The following DCDC2 variants were observed in gnomAD, a reference collection of about 807,000 sequenced individuals.
The protein encoded by DCDC2 is doublecortin domain containing 2.
In DCDC2, 40 loss-of-function variants were observed where a neutral mutation model predicts 50.2. The observed-to-expected ratio is 0.80, with a 90% CI of 0.62 to 1.04. DCDC2 has a LOEUF of 1.04. Ranked by LOEUF, DCDC2 falls within the 50% of genes least tolerant of loss-of-function variation. The pLI, the probability that DCDC2 is intolerant of heterozygous loss-of-function variation, is 0.00. For missense variants in DCDC2, 570 were observed against 581.9 expected, an observed-to-expected ratio of 0.98 and a Z score of 0.21; for synonymous variants, 234 against 210.6, an observed-to-expected ratio of 1.11 and a Z score of -0.96.
chr6:24,235,180 C>A (rs966730552), intron 7 of DCDC2, among the ~76,000 whole-genome samples: 1 of 152,100 alleles, frequency 6.6e-6, no homozygotes, highest in South Asian at 2.1e-4. Context: ...AACAACATAT[C>A]TTTCAGATTG....
intron 7 of DCDC2, among the ~76,000 whole-genome samples, chr6:24,235,948 C>T (rs746722497): frequency 1.3e-5 from 2 of 152,126 alleles, no homozygotes; most frequent in Non-Finnish European, 2.9e-5. Flanking sequence ...TGAAAGAAAT[C>T]ATAGATGACA....
chr6:24,340,171 A>G (rs909544061), intron 2 of DCDC2, among the ~76,000 whole-genome samples: 1 of 152,056 alleles, frequency 6.6e-6, no homozygotes, highest in Non-Finnish European at 1.5e-5. Context: ...TTTGCCTGCA[A>G]TGCTCTTCCT....
chr6:24,346,488 G>A (rs1020494312), intron 2 of DCDC2, among the ~76,000 whole-genome samples: 1 of 152,104 alleles, frequency 6.6e-6, no homozygotes, highest in African/African-American at 2.4e-5. Flanking sequence ...GGGCGTGGTG[G>A]TTCACGCCTG....
chr6:24,239,010 T>C (rs1384149796), intron 7 of DCDC2, among the ~76,000 whole-genome samples: 2 of 152,222 alleles, frequency 1.3e-5, no homozygotes, highest in South Asian at 2.1e-4. Flanking sequence ...TCTAACGATA[T>C]TGTCATTCAG....
At chr6:24,378,977 A>AT in the DCDC2 span, among the ~76,000 whole-genome samples, 2 of 151,162 alleles carry the variant, frequency 1.3e-5, no homozygotes, top group Non-Finnish European at 3.0e-5. Context: ...AAAAAAAAAA[A>AT]GGCCAATCTA....
chr6:24,224,613 G>C (rs1357490885), intron 7 of DCDC2, among the ~76,000 whole-genome samples: 3 of 152,156 alleles, frequency 2.0e-5, no homozygotes, highest in Non-Finnish European at 4.4e-5. Context: ...GAAGGTAAAA[G>C]GCTTTGTAAG....
the DCDC2 span, among the ~76,000 whole-genome samples, chr6:24,373,350 G>A: frequency 6.6e-6 from 1 of 152,210 alleles, no homozygotes; most frequent in South Asian, 2.1e-4. Context: ...CACCACCATA[G>A]AACGGATTAA....
chr6:24,184,583 T>TAAAA (rs35319391), intron 8 of DCDC2, among the ~76,000 whole-genome samples: 1 of 148,586 alleles, frequency 6.7e-6, no homozygotes. Flanking sequence ...AAAATAAAAA[T>TAAAA]AAAAAAAAAA....
intron 7 of DCDC2, among the ~76,000 whole-genome samples, chr6:24,260,468 C>T (rs577420833): frequency 2.6e-4 from 39 of 152,308 alleles, no homozygotes; most frequent in Admixed American, 1.4e-3. Context: ...CATCATGCTT[C>T]TAAATTATAA....
chr6:24,274,017 A>T (rs1009678190), intron 7 of DCDC2, among the ~76,000 whole-genome samples: 2 of 152,230 alleles, frequency 1.3e-5, no homozygotes, highest in African/African-American at 4.8e-5. Context: ...GTGTGGGCAC[A>T]CAGGCGTGCC....
At chr6:24,238,278 G>T (rs1419421207) in intron 7 of DCDC2, among the ~76,000 whole-genome samples, 1 of 147,836 alleles carries the variant, frequency 6.8e-6, no homozygotes, top group Non-Finnish European at 1.5e-5. Flanking sequence ...TTGGACACTT[G>T]TGTTTCATTC....
chr6:24,219,260 T>C (rs1621975), intron 7 of DCDC2, among the ~76,000 whole-genome samples: 112,174 of 152,126 alleles, frequency 0.74, 43,311 homozygotes, highest in Non-Finnish European at 0.85. Context: ...AGATATAAGT[T>C]AATAATGATG....
intron 7 of DCDC2, among the ~76,000 whole-genome samples, chr6:24,226,774 T>A (rs1161519629): frequency 6.6e-6 from 1 of 151,978 alleles, no homozygotes; most frequent in East Asian, 1.9e-4. Context: ...CTGTGGGAGG[T>A]AGCAAGGAAG....
intron 7 of DCDC2, among the ~76,000 whole-genome samples, chr6:24,225,311 T>C (rs1762206553): frequency 6.6e-6 from 1 of 152,208 alleles, no homozygotes. Context: ...ACCTGCAACA[T>C]GTTCAACAAT....
chr6:24,289,850 C>G (rs1011625508), intron 5 of DCDC2, among the ~76,000 whole-genome samples: 2 of 151,408 alleles, frequency 1.3e-5, no homozygotes, highest in Non-Finnish European at 2.9e-5. Flanking sequence ...GGACGACAAC[C>G]AAAAAAAATT....
At chr6:24,359,326 T>A (rs866844671), upstream of DCDC2, among the ~76,000 whole-genome samples, 9 of 61,324 alleles carry the variant, frequency 1.5e-4, no homozygotes, top group African/African-American at 6.8e-4. Context: ...TTTTATATTT[T>A]TATATATATT....
At position 24,274,058 on chromosome 6, in the gene DCDC2, C is replaced by T. The variant is rs186376055; in HGVS notation, c.922+3991G>A. ...ACCCAAAGTGAAAGAGAGCCACATC[C>T]ATCAAAAGAATACAACTCTTATTTT... On this transcript the variant is annotated intron_variant, in intron 7 of 9. Coordinates refer to ENST00000378454, the MANE Select transcript of DCDC2 (RefSeq NM_016356.5). 5.3e-5 allele frequency among the ~76,000 whole-genome samples: 8 copies of T among 152,328 alleles called. No individual in the cohort carries two copies. The East Asian group carries it at 1.5e-3, about 29-fold the overall frequency.
At chr6:24,210,842 T>A (rs1158712095) in intron 7 of DCDC2, among the ~76,000 whole-genome samples, 1 of 152,126 alleles carries the variant, frequency 6.6e-6, no homozygotes, top group Non-Finnish European at 1.5e-5. Context: ...TAACTCCTCC[T>A]CAAACTGCAT....
At chr6:24,327,910 A>G (rs1302245683) in intron 2 of DCDC2, among the ~76,000 whole-genome samples, 2 of 152,198 alleles carry the variant, frequency 1.3e-5, no homozygotes, top group East Asian at 3.8e-4. Context: ...TGCTTAATAT[A>G]TGTTTAGCTT....
Sources: allele counts gnomAD v4.1 joint callset (sites outside exome capture counted in the v4.1 genomes callset), GRCh38; gene constraint gnomAD v4.1.1; transcripts MANE v1.5; gene names NCBI Gene and HGNC (gene_info 2026-07-23, HGNC 2026-07-21).